Variants in NELL1 observed in about 807,000 individuals in gnomAD.
NELL1 encodes protein kinase C-binding protein NELL1.
A neutral mutation model predicts 107.4 loss-of-function variants in NELL1; 76 were observed. The observed-to-expected ratio is 0.71, with a 90% CI of 0.59 to 0.86. NELL1 has a LOEUF of 0.86. Ranked by LOEUF, NELL1 falls within the 40% of genes least tolerant of loss-of-function variation. The pLI is 0.00. For synonymous variants in NELL1, 353 were observed against 341.2 expected, an observed-to-expected ratio of 1.03 and a Z score of -0.38; for missense variants, 1,024 against 1,005.5, an observed-to-expected ratio of 1.02 and a Z score of -0.25.
At chr11:20,822,046 G>A (rs2134025779) in intron 3 of NELL1, among the ~76,000 whole-genome samples, 1 of 152,328 alleles carries the variant, frequency 6.6e-6, no homozygotes, top group South Asian at 2.1e-4. Context: ...AGGCCACTGT[G>A]TTTAGTTAAG....
intron 14 of NELL1, among the ~76,000 whole-genome samples, chr11:21,343,806 G>A (rs1317323295): frequency 1.3e-5 from 2 of 152,106 alleles, no homozygotes; most frequent in Non-Finnish European, 2.9e-5. Flanking sequence ...CCTAATCTAA[G>A]CCTCTTGAGG....
chr11:20,769,966 C>T lies in NELL1; in HGVS notation c.185-13714C>T, dbSNP rs540245329. ...AGACTGCGTGGGAGCCTACCAGCAT[C>T]CTTTGAAATGAATTATCACAAAGTC... On this transcript the variant is annotated intron_variant, in intron 2 of 19. Transcript: ENST00000357134. Among the ~76,000 whole-genome samples, 59 of 152,214 alleles carry T rather than the reference C, an allele frequency of 3.9e-4. No homozygotes were observed. The South Asian group carries it at 0.012, about 31-fold the overall frequency.
chr11:20,755,347 C>T (rs1856236306), intron 2 of NELL1, among the ~76,000 whole-genome samples: 1 of 152,248 alleles, frequency 6.6e-6, no homozygotes, highest in Non-Finnish European at 1.5e-5. Flanking sequence ...AGAGAAATTG[C>T]TCCTTCACTG....
intron 14 of NELL1, among the ~76,000 whole-genome samples, chr11:21,323,812 A>G (rs1261019787): frequency 6.6e-6 from 1 of 152,148 alleles, no homozygotes; most frequent in Non-Finnish European, 1.5e-5. Flanking sequence ...TCCACTGAAG[A>G]TAAAGACTCT....
chr11:21,564,535 AT>A (rs1856925400), intron 17 of NELL1, among the ~76,000 whole-genome samples: 1 of 151,908 alleles, frequency 6.6e-6, no homozygotes, highest in African/African-American at 2.4e-5. Context: ...TACCTATACT[AT>A]TTTGAGTAGT....
At chr11:21,380,413 GAA>G (rs779029832) in intron 15 of NELL1, among the ~76,000 whole-genome samples, 1 of 152,046 alleles carries the variant, frequency 6.6e-6, no homozygotes, top group Non-Finnish European at 1.5e-5. Context: ...AAGAATGGCA[GAA>G]GAGAGGCATC....
chr11:20,689,435 C>A (rs1337143483), intron 2 of NELL1, among the ~76,000 whole-genome samples: 2 of 106,092 alleles, frequency 1.9e-5, no homozygotes, highest in East Asian at 7.1e-4. Context: ...TCCCTCCCCC[C>A]TCCCCCCACC....
chr11:21,174,713 G>A (rs1417901757), intron 13 of NELL1, among the ~76,000 whole-genome samples: 1 of 151,632 alleles, frequency 6.6e-6, no homozygotes, highest in Non-Finnish European at 1.5e-5. Flanking sequence ...TCATTTTTGT[G>A]TCATAATTCA....
intron 14 of NELL1, among the ~76,000 whole-genome samples, chr11:21,337,669 T>C (rs1172475706): frequency 2.6e-5 from 4 of 152,192 alleles, no homozygotes; most frequent in African/African-American, 9.7e-5. Context: ...CCACGAATTA[T>C]TTCTACCCTC....
chr11:21,155,304 G>C (rs926109610), intron 13 of NELL1, among the ~76,000 whole-genome samples: 4 of 152,108 alleles, frequency 2.6e-5, no homozygotes, highest in African/African-American at 9.7e-5. Flanking sequence ...TAATGGAAAT[G>C]TCTAAGGATT....
rs114240214 is a variant in NELL1, at chr11:21,362,537, G to A, written c.1550-8316G>A. Among the ~76,000 whole-genome samples, 1,430 of 152,266 alleles carry A rather than the reference G, an allele frequency of 9.4e-3. 15 individuals carry two copies. The highest frequency in any genetic ancestry group is 0.033 in the African/African-American group (1,376 of 41,548). ...CTTCTGGTTAGCCAAGATGTTGTGG[G>A]CATTGGAATTAGGTGTCGTCTTCTT... is the stretch of plus-strand genomic sequence containing the variant. On this transcript the variant is annotated intron_variant, in intron 14 of 19. Coordinates refer to ENST00000357134, the MANE Select transcript of NELL1 (RefSeq NM_006157.5).
At chr11:21,226,764 A>C (rs1202215596) in intron 13 of NELL1, among the ~76,000 whole-genome samples, 1 of 152,210 alleles carries the variant, frequency 6.6e-6, no homozygotes, top group Non-Finnish European at 1.5e-5. Context: ...AAATTTTATA[A>C]AAGTTCTAAG....
At chr11:20,988,476 T>A (rs199840499) in intron 12 of NELL1, among the ~76,000 whole-genome samples, 1 of 132,806 alleles carries the variant, frequency 7.5e-6, no homozygotes, top group Admixed American at 7.3e-5. Flanking sequence ...TGTATATATA[T>A]CTATATATAC....
intron 9 of NELL1, among the ~76,000 whole-genome samples, chr11:20,929,315 A>G (rs10833412): frequency 0.66 from 100,106 of 152,132 alleles, 35,643 homozygotes; most frequent in Non-Finnish European, 0.78. Context: ...ACAGTGGTCT[A>G]TCATTCTGCC....
At chr11:21,433,763 C>T (rs1853031315) in intron 15 of NELL1, among the ~76,000 whole-genome samples, 1 of 152,114 alleles carries the variant, frequency 6.6e-6, no homozygotes, top group African/African-American at 2.4e-5. Flanking sequence ...ACAACCTCCA[C>T]CTCCTAGGTT....
chr11:21,188,221 C>T (rs1856973979), intron 13 of NELL1, among the ~76,000 whole-genome samples: 1 of 151,810 alleles, frequency 6.6e-6, no homozygotes, highest in Non-Finnish European at 1.5e-5. Flanking sequence ...TCAGTATCAT[C>T]TTGGGGAAGC....
At chr11:21,090,125 A>T (rs1565053702) in intron 12 of NELL1, among the ~76,000 whole-genome samples, 2 of 152,302 alleles carry the variant, frequency 1.3e-5, no homozygotes, top group Non-Finnish European at 2.9e-5. Context: ...ATGTACAATA[A>T]TACAGAAAAT....
intron 2 of NELL1, among the ~76,000 whole-genome samples, chr11:20,679,106 A>C (rs1403205010): frequency 6.6e-6 from 1 of 152,182 alleles, no homozygotes; most frequent in Non-Finnish European, 1.5e-5. Flanking sequence ...GTCAGAGCTG[A>C]TATTCTGCTG....
At chr11:20,690,279 T>G (rs1398642125) in intron 2 of NELL1, among the ~76,000 whole-genome samples, 1 of 151,992 alleles carries the variant, frequency 6.6e-6, no homozygotes, top group Non-Finnish European at 1.5e-5. Context: ...AGAAGCTCTT[T>G]AGTTTAATTA....
Sources: allele counts gnomAD v4.1 joint callset (sites outside exome capture counted in the v4.1 genomes callset), GRCh38; gene constraint gnomAD v4.1.1; transcripts MANE v1.5; gene names NCBI Gene and HGNC (gene_info 2026-07-23, HGNC 2026-07-21).